The following RNF185 variants were observed in gnomAD, a reference collection of about 807,000 sequenced individuals.
RNF185 encodes ring finger protein 185, also known as E3 ubiquitin-protein ligase RNF185.
RNF185 carries 13 observed loss-of-function variants against 24.9 expected under a neutral mutation model. That is an observed-to-expected ratio of 0.52 (90% confidence interval 0.34 to 0.83). The LOEUF is 0.83. RNF185 is among the 40% of genes least tolerant of loss of function. The pLI, the probability that RNF185 is intolerant of heterozygous loss-of-function variation, is 0.01. For missense variants in RNF185, 184 were observed against 244.7 expected (o/e 0.75, Z 1.65); for synonymous variants, 79 against 90.3 (o/e 0.88, Z 0.71).
chr22:31,190,712 T>C (rs894090385), intron 2 of RNF185, among the ~76,000 whole-genome samples: 5 of 152,190 alleles, frequency 3.3e-5, no homozygotes, highest in African/African-American at 1.2e-4. Flanking sequence ...CAAGTGATTC[T>C]CGTGCTTCAG....
rs1419824823 is a variant in RNF185, at chr22:31,187,934, TG to T, written c.176+665del. Among the ~76,000 whole-genome samples the T allele has an allele frequency of 1.9e-3, 289 of 152,046 alleles. 1 individual carries two copies. Among genetic ancestry groups the T allele is most frequent in the African/African-American group, 5.4e-3 (226 of 41,486 alleles). ...GATTTTGGTTTTTTGTGTGTGTGTG[TG>T]TGTTTTTTTTTGTCTTGAGATTTTG... On this transcript the variant is annotated intron_variant, in intron 2 of 6. Transcript: ENST00000326132.
At position 31,177,075 on chromosome 22, in the gene RNF185, C is replaced by T. The variant is rs568885448; in HGVS notation, c.-48-9972C>T. Reference sequence around the variant, plus strand: ...AAGGCTTTTCTTCTTCCCTTAGTCCCAGCCCTTGCTGCCTTACCATGAATT... The same window carrying T: ...AAGGCTTTTCTTCTTCCCTTAGTCCTAGCCCTTGCTGCCTTACCATGAATT... On this transcript the variant is annotated intron_variant, in intron 1 of 6. Transcript: ENST00000326132. 4.1e-3 allele frequency among the ~76,000 whole-genome samples: 625 copies of T among 152,176 alleles called. 6 individuals are homozygous for T. Among genetic ancestry groups the T allele is most frequent in the African/African-American group, 0.014 (587 of 41,508 alleles).
chr22:31,202,607 C>CTTTTTTTTT lies in RNF185; in HGVS notation c.481+1007_481+1015dup, dbSNP rs71202049. 1.1e-4 allele frequency among the ~76,000 whole-genome samples: 9 copies of CTTTTTTTTT among 83,764 alleles called. 1 individual carries two copies. In the East Asian group the frequency reaches 1.2e-3, roughly 12 times the overall value. 55.0% of individuals were successfully genotyped at this position (83,764 alleles called of 152,430 possible). On this transcript the variant is annotated intron_variant, in intron 6 of 6. Coordinates refer to ENST00000326132, the MANE Select transcript of RNF185 (RefSeq NM_152267.4). ...CAGCACCAAGATATCTTGGGAATGC[C>CTTTTTTTTT]TTTTTTTTTTTTTTTTTTTTTTTGA...
At position 31,196,955 on chromosome 22, in the gene RNF185, C is replaced by G. The variant is rs1007899591; in HGVS notation, c.328C>G (p.Pro110Ala). 6.2e-7 allele frequency: 1 copy of G among 1,612,148 alleles called. No homozygotes were observed. The highest frequency in any genetic ancestry group is 8.5e-7 in the Non-Finnish European group (1 of 1,179,374). Residue 110 changes from proline to alanine, a missense_variant, in exon 5 of 7, where the codon CCT (proline) becomes GCT (alanine). By Grantham distance (27) the Pro-to-Ala change is conservative. Coordinates refer to ENST00000326132, the MANE Select transcript of RNF185 (RefSeq NM_152267.4). ...QDPREKTPPR[P>A]QGQRPEPENR... Reference sequence around the variant, plus strand: ...TTTCAGAGAGAAGACCCCTCCTCGTCCTCAAGGACAGAGGCCAGAGCCGGA... The same window carrying G: ...TTTCAGAGAGAAGACCCCTCCTCGTGCTCAAGGACAGAGGCCAGAGCCGGA...
chr22:31,166,075 TCCATCTC>T (rs1009561767), intron 1 of RNF185, among the ~76,000 whole-genome samples: 1 of 152,180 alleles, frequency 6.6e-6, no homozygotes, highest in African/African-American at 2.4e-5. Context: ...CACTGCAGCC[TCCATCTC>T]CCAGATTCAA....
At chr22:31,164,036 C>T (rs1923754257) in intron 1 of RNF185, among the ~76,000 whole-genome samples, 1 of 151,616 alleles carries the variant, frequency 6.6e-6, no homozygotes, top group Admixed American at 6.6e-5. Context: ...GGCTGGAATG[C>T]GGTGGGACAG....
At chr22:31,175,076 TAAAAA>T (rs5844936) in intron 1 of RNF185, among the ~76,000 whole-genome samples, 3 of 138,580 alleles carry the variant, frequency 2.2e-5, no homozygotes, top group African/African-American at 5.3e-5. Flanking sequence ...CGTCTCAAAT[TAAAAA>T]AAAAAAAAAA....
chr22:31,196,268 G>A (rs578133280), intron 4 of RNF185, among the ~76,000 whole-genome samples: 124 of 152,230 alleles, frequency 8.1e-4, no homozygotes, highest in Middle Eastern at 3.4e-3. Flanking sequence ...CTTCCTTGAA[G>A]TGGTCTGTCT....
intron 2 of RNF185, 108 bp downstream of exon 2, chr22:31,187,378 C>A: frequency 8.2e-7 from 1 of 1,216,770 alleles, no homozygotes; most frequent in South Asian, 1.3e-5. Flanking sequence ...GGAATACACT[C>A]AGGCTCAAGG....
intron 1 of RNF185, among the ~76,000 whole-genome samples, chr22:31,186,046 CT>C (rs1234834716): frequency 1.3e-5 from 2 of 152,064 alleles, no homozygotes; most frequent in Non-Finnish European, 2.9e-5. Flanking sequence ...TGAGGGTAAA[CT>C]TTTCATTTGT....
At chr22:31,164,690 G>A (rs1029729680) in intron 1 of RNF185, among the ~76,000 whole-genome samples, 2 of 147,206 alleles carry the variant, frequency 1.4e-5, no homozygotes, top group African/African-American at 5.0e-5. Flanking sequence ...GGGTTCAAGC[G>A]ATTCTCCTGC....
At chr22:31,169,410 T>TA (rs1316781556) in intron 1 of RNF185, among the ~76,000 whole-genome samples, 3 of 152,240 alleles carry the variant, frequency 2.0e-5, no homozygotes, top group African/African-American at 7.2e-5. Flanking sequence ...TTTCTTTTGT[T>TA]ACCTGTACTT....
chr22:31,193,897 A>ATTTT (rs113727137), intron 3 of RNF185, among the ~76,000 whole-genome samples: 1 of 143,554 alleles, frequency 7.0e-6, no homozygotes, highest in Non-Finnish European at 1.5e-5. Context: ...AAGAAAATTA[A>ATTTT]TTTTTTTTTT....
In RNF185 at chr22:31,187,092, A is replaced by C. The variant is rs113403336; in HGVS notation, c.-3A>C. 5.8e-4 allele frequency: 933 copies of C among 1,604,956 alleles called. 1 individual carries two copies. The highest frequency in any genetic ancestry group is 7.3e-4 in the Non-Finnish European group (864 of 1,176,646). The stretch of plus-strand genomic sequence containing the variant: ...TCACTCAGAGCTTCGCTGACAGCCA[A>C]GGATGGCAAGCAAGGGGCCCTCGGC... On this transcript the variant is annotated 5_prime_UTR_variant, in exon 2 of 7. Transcript: ENST00000326132.
At chr22:31,184,540 G>A (rs11913560) in intron 1 of RNF185, among the ~76,000 whole-genome samples, 22,354 of 151,882 alleles carry the variant, frequency 0.15, 1,735 homozygotes, top group African/African-American at 0.21. Flanking sequence ...CTGCAATCTC[G>A]GCACTTTGGG....
intron 2 of RNF185, among the ~76,000 whole-genome samples, chr22:31,188,982 C>T (rs111696709): frequency 4.9e-5 from 7 of 142,538 alleles, no homozygotes; most frequent in South Asian, 2.2e-4. Context: ...AAAAATTAGC[C>T]GGGTGTGGTG....
At chr22:31,183,371 A>C (rs2048058596) in intron 1 of RNF185, among the ~76,000 whole-genome samples, 2 of 150,030 alleles carry the variant, frequency 1.3e-5, no homozygotes, top group Admixed American at 6.8e-5. Flanking sequence ...TATATGCATA[A>C]TTTTTAATTT....
chr22:31,179,702 T>C (rs2048015446), intron 1 of RNF185, among the ~76,000 whole-genome samples: 1 of 152,224 alleles, frequency 6.6e-6, no homozygotes, highest in African/African-American at 2.4e-5. Context: ...CTGCAAACTC[T>C]GAGCTGACCT....
At chr22:31,187,015 A>G in intron 1 of RNF185, 32 bp from the exon 2 acceptor site, 1 of 1,437,126 alleles carries the variant, frequency 7.0e-7, no homozygotes, top group Non-Finnish European at 9.5e-7. Context: ...AGGGCTGCAG[A>G]AATGGACAGT....
Sources: allele counts gnomAD v4.1 joint callset (sites outside exome capture counted in the v4.1 genomes callset), GRCh38; gene constraint gnomAD v4.1.1; transcripts MANE v1.5; gene names NCBI Gene and HGNC (gene_info 2026-07-23, HGNC 2026-07-21).